LATS2: variants seen among roughly 807,000 people sequenced by gnomAD.
LATS2 encodes the protein serine/threonine-protein kinase LATS2.
Under a neutral mutation model 76.0 loss-of-function variants are expected in LATS2, and 24 were observed. That is an observed-to-expected ratio of 0.32 (90% CI 0.23 to 0.44). The LOEUF is 0.44. LATS2 is among the 20% of genes least tolerant of loss of function. The pLI is 1.00. For missense variants in LATS2, 1,286 were observed against 1,481.2 expected (o/e 0.87, Z 2.16); for synonymous variants, 692 against 635.4 (o/e 1.09, Z -1.34).
intron 2 of LATS2, among the ~76,000 whole-genome samples, chr13:21,022,902 A>G (rs1468930739): frequency 6.6e-6 from 1 of 152,216 alleles, no homozygotes; most frequent in Admixed American, 6.5e-5. Context: ...ACACATCTAT[A>G]ATCTTCATCA....
chr13:21,023,078 G>C (rs999518489), intron 2 of LATS2: 11 of 152,200 alleles, frequency 7.2e-5, no homozygotes, highest in Admixed American at 7.2e-4. Context: ...GAGCCCCAGG[G>C]GGGCAGTGTC....
At chr13:21,043,541 G>T (rs1016541824) in intron 2 of LATS2, among the ~76,000 whole-genome samples, 4 of 152,154 alleles carry the variant, frequency 2.6e-5, no homozygotes, top group African/African-American at 9.7e-5. Context: ...AGGCACAGCT[G>T]TTTTAAGTTA....
Position 20,974,923 on chromosome 13 carries a change from C to T in LATS2, c.3214G>A (p.Glu1072Lys). The T allele has an allele frequency of 6.2e-7, 1 of 1,614,156 alleles. No homozygotes were observed. ...GTCTGATCCACCAGATCAGAGCTTTCTAAATCTGAGCTCTCAGCCTGTGAA... is the reference window on the plus strand; with the variant it reads ...GTCTGATCCACCAGATCAGAGCTTTTTAAATCTGAGCTCTCAGCCTGTGAA... Reference protein sequence around the residue: ...EASQAESSDLESSDLVDQTEG... With the variant: ...EASQAESSDLKSSDLVDQTEG... Residue 1072 changes from glutamate (E) to lysine (K), a missense_variant, in exon 8 of 8, where the codon GAA becomes AAA. Coordinates refer to ENST00000382592, the MANE Select transcript of LATS2 (RefSeq NM_014572.3).
intron 6 of LATS2, among the ~76,000 whole-genome samples, 173 bp downstream of exon 6, chr13:20,981,293 C>A (rs1250136934): frequency 6.6e-6 from 1 of 152,144 alleles, no homozygotes; most frequent in Non-Finnish European, 1.5e-5. Flanking sequence ...AAGAGCACTT[C>A]CAGGACAGGA....
intron 2 of LATS2, among the ~76,000 whole-genome samples, chr13:21,010,038 A>G (rs1871522769): frequency 6.6e-6 from 1 of 152,130 alleles, no homozygotes; most frequent in African/African-American, 2.4e-5. Flanking sequence ...TGTCTCTACT[A>G]AAAATACAAA....
At position 20,991,633 on chromosome 13, in the gene LATS2, T is replaced by C. The variant is rs1477693255; in HGVS notation, c.343-229A>G. ...AGCCACACCATAGACTATTTAGCCT[T>C]ATGTCAAGGACATATGGGAATTTTG... On this transcript the variant is annotated intron_variant, in intron 2 of 7. Coordinates refer to ENST00000382592, the MANE Select transcript of LATS2 (RefSeq NM_014572.3). The surrounding 1 kb of genome is among the most constrained non-coding windows in gnomAD (Gnocchi z 4.9). 6.6e-6 allele frequency among the ~76,000 whole-genome samples: 1 copy of C among 152,194 alleles called. No homozygotes were observed. The highest frequency in any genetic ancestry group is 1.5e-5 in the Non-Finnish European group (1 of 68,032).
chr13:20,981,221 G>C (rs1869860521), intron 6 of LATS2, among the ~76,000 whole-genome samples: 1 of 152,182 alleles, frequency 6.6e-6, no homozygotes, highest in Admixed American at 6.5e-5. Flanking sequence ...CTTGGGTCTA[G>C]GTAGAGCCCG....
At chr13:21,035,010 C>A (rs9316080) in intron 2 of LATS2, among the ~76,000 whole-genome samples, 87,795 of 152,048 alleles carry the variant, frequency 0.58, 28,430 homozygotes, top group Non-Finnish European at 0.73. Context: ...GCGGGAGGAT[C>A]ACTTGAGGCC....
chr13:20,998,049 T>A (rs985540069), intron 2 of LATS2, among the ~76,000 whole-genome samples: 1 of 152,206 alleles, frequency 6.6e-6, no homozygotes, highest in Non-Finnish European at 1.5e-5. Flanking sequence ...TCTGTCTGTG[T>A]CTGCCTGTCT....
rs55652534 is a variant in LATS2, at chr13:20,975,344, C to A, written c.2793G>T (p.Thr931=). ...GCTTCACCTGGGCTGGAATGTGGAG[C>A]GTGTTCTCCCAGTTGATCACCTGAG... ...TQLKVINWEN[T]LHIPAQVKLS... The change falls in exon 8 of 8, where the codon ACG becomes ACT. Residue 931 remains threonine, a synonymous_variant. Coordinates refer to ENST00000382592, the MANE Select transcript of LATS2 (RefSeq NM_014572.3). The A allele has an allele frequency of 7.0e-6, 11 of 1,569,096 alleles. No individual in the cohort carries two copies. The highest frequency in any genetic ancestry group is 1.2e-5 in the South Asian group (1 of 84,442).
intron 2 of LATS2, among the ~76,000 whole-genome samples, chr13:21,008,683 G>C (rs1246663638): frequency 6.6e-6 from 1 of 152,106 alleles, no homozygotes; most frequent in Non-Finnish European, 1.5e-5. Flanking sequence ...TTAAATATCT[G>C]ACAACAGCAA....
Position 20,988,778 on chromosome 13 carries a change from G to A in LATS2, c.1002C>T (p.Arg334=), listed in dbSNP as rs377401953. 4.7e-5 allele frequency: 74 copies of A among 1,589,900 alleles called. No homozygotes were observed. The highest frequency in any genetic ancestry group is 1.2e-4 in the Admixed American group (7 of 58,720). Reference sequence around the variant, plus strand: ...GGCTGTCGCTGGCGAACACCTGGCTGCGGGAGCCCAGCACATGCAGCTGGT... The same window carrying A: ...GGCTGTCGCTGGCGAACACCTGGCTACGGGAGCCCAGCACATGCAGCTGGT... The part of the protein sequence containing the change: ...AAHQLHVLGS[R]SQVFASDSPP... Residue 334 remains arginine, a synonymous_variant, in exon 4 of 8, where the codon CGC becomes CGT. Coordinates refer to ENST00000382592, the MANE Select transcript of LATS2 (RefSeq NM_014572.3).
intron 5 of LATS2, 38 bp downstream of exon 5, chr13:20,983,186 A>T: frequency 7.0e-7 from 1 of 1,431,478 alleles, no homozygotes; most frequent in Non-Finnish European, 9.7e-7. Context: ...AGTGACATCT[A>T]CACATAGAAA....
intron 1 of LATS2, 53 bp from the exon 2 acceptor site, chr13:21,046,283 C>T (rs1448878850): frequency 7.7e-6 from 3 of 388,332 alleles, no homozygotes; most frequent in Non-Finnish European, 1.4e-5. Flanking sequence ...TTTCACGCAA[C>T]GTTAATGCTA....
At chr13:21,034,264 A>G (rs764132931) in intron 2 of LATS2, among the ~76,000 whole-genome samples, 2 of 152,182 alleles carry the variant, frequency 1.3e-5, no homozygotes, top group African/African-American at 2.4e-5. Flanking sequence ...AGCCAAGGTG[A>G]CACATGGCTA....
intron 7 of LATS2, among the ~76,000 whole-genome samples, chr13:20,975,580 T>C (rs1045810990): frequency 1.3e-5 from 2 of 152,212 alleles, no homozygotes; most frequent in African/African-American, 4.8e-5. Flanking sequence ...ACCAGTCAAA[T>C]ACAGACAAAA....
At chr13:21,040,162 G>C (rs1162190083) in intron 2 of LATS2, among the ~76,000 whole-genome samples, 1 of 151,970 alleles carries the variant, frequency 6.6e-6, no homozygotes. Flanking sequence ...TGAGGCAGGC[G>C]TATCGCTTCA....
intron 1 of LATS2, among the ~76,000 whole-genome samples, chr13:21,052,435 C>T (rs1873304130): frequency 6.6e-6 from 1 of 152,096 alleles, no homozygotes; most frequent in Admixed American, 6.5e-5. Context: ...ACTGCAACCT[C>T]CACCTTGTAG....
intron 2 of LATS2, among the ~76,000 whole-genome samples, chr13:21,036,247 T>G (rs1344185488): frequency 6.6e-6 from 1 of 151,384 alleles, no homozygotes; most frequent in Non-Finnish European, 1.5e-5. Flanking sequence ...GGCCAGGCTA[T>G]TATCAAACTC....
Sources: gnomAD v4.1 joint callset for allele counts (sites outside exome capture counted in the v4.1 genomes callset) on GRCh38, gnomAD v4.1.1 for gene constraint, Gnocchi (gnomAD v3.1) non-coding constraint, MANE v1.5 for transcripts, NCBI Gene and HGNC (gene_info 2026-07-23, HGNC 2026-07-21) for gene names.